DOCK4: variants seen among roughly 807,000 people sequenced by gnomAD.
The protein encoded by DOCK4 is dedicator of cytokinesis 4.
A neutral mutation model predicts 268.1 loss-of-function variants in DOCK4; 97 were observed. The observed-to-expected ratio is 0.36, with a 90% confidence interval of 0.31 to 0.43. The LOEUF (loss-of-function observed/expected upper bound fraction) is 0.43. Ranked by LOEUF, DOCK4 falls within the 20% of genes least tolerant of loss-of-function variation. The pLI, the probability that DOCK4 is intolerant of heterozygous loss-of-function variation, is 1.00. For missense variants in DOCK4, 2,145 were observed against 2,455.7 expected (o/e 0.87, Z 2.67); for synonymous variants, 954 against 887.2 (o/e 1.08, Z -1.34).
intron 13 of DOCK4, among the ~76,000 whole-genome samples, chr7:111,906,614 G>A (rs1791596250): frequency 6.6e-6 from 1 of 152,162 alleles, no homozygotes; most frequent in Non-Finnish European, 1.5e-5. Flanking sequence ...TGGAACCTAT[G>A]AGTATGTTAC....
At chr7:111,864,120 T>G (rs550390551) in intron 22 of DOCK4, among the ~76,000 whole-genome samples, 3 of 152,158 alleles carry the variant, frequency 2.0e-5, no homozygotes, top group Non-Finnish European at 4.4e-5. Context: ...TTTAGTTTCA[T>G]CATTTAGGCT....
intron 1 of DOCK4, among the ~76,000 whole-genome samples, chr7:112,059,134 C>CTTTTTTTTTTTTTTT (rs572050793): frequency 2.0e-5 from 2 of 98,978 alleles, no homozygotes; most frequent in African/African-American, 1.0e-4. Context: ...GCAGCATTTC[C>CTTTTTTTTTTTTTTT]TTTTTTTTTT....
chr7:111,756,342 CCTT>C (rs1017264664), intron 41 of DOCK4, among the ~76,000 whole-genome samples: 6 of 152,096 alleles, frequency 3.9e-5, no homozygotes, highest in East Asian at 1.9e-4. Context: ...GGGCGAGACT[CCTT>C]CTCAAAAAAA....
intron 8 of DOCK4, among the ~76,000 whole-genome samples, chr7:111,973,234 C>G (rs1330808662): frequency 6.8e-6 from 1 of 147,116 alleles, no homozygotes; most frequent in Non-Finnish European, 1.5e-5. Context: ...TGGGCTGGAT[C>G]CATATTATTG....
chr7:111,958,270 G>T (rs1204573123), intron 8 of DOCK4, among the ~76,000 whole-genome samples: 1 of 152,110 alleles, frequency 6.6e-6, no homozygotes, highest in African/African-American at 2.4e-5. Context: ...CTTATCTTTG[G>T]AAAAGGAACT....
chr7:111,801,228 A>G (rs950368904), intron 30 of DOCK4, among the ~76,000 whole-genome samples: 1 of 152,196 alleles, frequency 6.6e-6, no homozygotes, highest in African/African-American at 2.4e-5. Context: ...TGTGTGAATG[A>G]CACACCTGGT....
chr7:112,031,408 A>C (rs1803258656), intron 1 of DOCK4, among the ~76,000 whole-genome samples: 2 of 152,032 alleles, frequency 1.3e-5, no homozygotes. Flanking sequence ...TTATCTTCAC[A>C]GTTTTCTTTT....
intron 12 of DOCK4, among the ~76,000 whole-genome samples, chr7:111,933,532 T>C (rs1794447048): frequency 6.6e-6 from 1 of 151,876 alleles, no homozygotes; most frequent in Non-Finnish European, 1.5e-5. Flanking sequence ...CCTGACCTTG[T>C]GATCCACCCG....
In DOCK4 at chr7:111,944,818, G is replaced by A; in HGVS notation, c.837C>T (p.Ile279=). Residue 279 remains isoleucine (I), a synonymous_variant, in exon 10 of 53, where the codon ATC becomes ATT. Transcript: ENST00000428084. ...GACAAGTGTTATACCTACCGATTCG[G>A]ATAATGTGCACGGTGATATAAATGT... The part of the protein sequence containing the change: ...RKDIYITVHI[I]RIGRMGAGEK... 1 of 1,613,792 alleles carries A rather than the reference G, an allele frequency of 6.2e-7. No individual in the cohort carries two copies. The highest frequency in any genetic ancestry group is 8.5e-7 in the Non-Finnish European group (1 of 1,179,782).
chr7:112,166,886 G>A (rs942000617), intron 1 of DOCK4, among the ~76,000 whole-genome samples: 22 of 151,436 alleles, frequency 1.5e-4, no homozygotes, highest in African/African-American at 5.3e-4. Flanking sequence ...GGATGGACTT[G>A]AACTCCTGAG....
intron 27 of DOCK4, among the ~76,000 whole-genome samples, chr7:111,814,333 G>GGGCC (rs1563541165): frequency 2.0e-5 from 3 of 152,068 alleles, no homozygotes; most frequent in Non-Finnish European, 2.9e-5. Context: ...AACCTGCCCC[G>GGGCC]GGCCCTAGAA....
At chr7:111,917,059 C>G (rs1218599366) in intron 12 of DOCK4, among the ~76,000 whole-genome samples, 1 of 138,858 alleles carries the variant, frequency 7.2e-6, no homozygotes, top group East Asian at 2.2e-4. Flanking sequence ...GCGATCTTGG[C>G]TCACTGCAAC....
At chr7:112,025,099 C>T (rs1425483350) in intron 1 of DOCK4, among the ~76,000 whole-genome samples, 2 of 152,164 alleles carry the variant, frequency 1.3e-5, no homozygotes, top group African/African-American at 4.8e-5. Flanking sequence ...TATTTAGTGA[C>T]ATTGATGATA....
At chr7:111,766,371 C>T (rs1465396990) in intron 38 of DOCK4, among the ~76,000 whole-genome samples, 1 of 151,898 alleles carries the variant, frequency 6.6e-6, no homozygotes, top group African/African-American at 2.4e-5. Context: ...ACTGATGATC[C>T]TATTTTAGAA....
chr7:111,780,701 TGAA>T (rs1798737047), intron 35 of DOCK4, among the ~76,000 whole-genome samples: 1 of 152,242 alleles, frequency 6.6e-6, no homozygotes, highest in South Asian at 2.1e-4. Context: ...ACAGCTCTCC[TGAA>T]GACAATCTGG....
At chr7:111,881,533 TAA>T (rs1429697605) in intron 16 of DOCK4, among the ~76,000 whole-genome samples, 1 of 152,126 alleles carries the variant, frequency 6.6e-6, no homozygotes, top group African/African-American at 2.4e-5. Flanking sequence ...CAAACAACTA[TAA>T]AGAGAGCTAC....
At chr7:111,857,854 T>C (rs1443500052) in intron 23 of DOCK4, among the ~76,000 whole-genome samples, 1 of 152,204 alleles carries the variant, frequency 6.6e-6, no homozygotes, top group Non-Finnish European at 1.5e-5. Flanking sequence ...CAAAACCATT[T>C]AGACTCTTCT....
intron 1 of DOCK4, among the ~76,000 whole-genome samples, chr7:112,022,519 C>T (rs749097292): frequency 1.3e-5 from 2 of 152,170 alleles, no homozygotes; most frequent in Non-Finnish European, 2.9e-5. Context: ...GGTTCAAATC[C>T]CATTCCTGCT....
chr7:111,934,607 G>C (rs1794561590), intron 12 of DOCK4, among the ~76,000 whole-genome samples: 1 of 139,024 alleles, frequency 7.2e-6, no homozygotes, highest in Non-Finnish European at 1.5e-5. Flanking sequence ...TTGGCTCATT[G>C]CAAGCTCCGC....
Sources: allele counts gnomAD v4.1 joint callset (sites outside exome capture counted in the v4.1 genomes callset), GRCh38; gene constraint gnomAD v4.1.1; transcripts MANE v1.5; gene names NCBI Gene and HGNC (gene_info 2026-07-23, HGNC 2026-07-21).